CCDC73: variants seen among roughly 807,000 people sequenced by gnomAD.
CCDC73 encodes the protein coiled-coil domain-containing protein 73.
In CCDC73, 95 loss-of-function variants were observed where a neutral mutation model predicts 116.5. That is an observed-to-expected ratio of 0.82 (90% confidence interval 0.69 to 0.97). The LOEUF (loss-of-function observed/expected upper bound fraction) is 0.97, where lower values mean the gene tolerates loss of function less well. Among genes scored for constraint, CCDC73 ranks in the 50% least tolerant of loss-of-function variants. The pLI is 0.00. For missense variants in CCDC73, 1,066 were observed against 1,206.8 expected (o/e 0.88, Z 1.73); for synonymous variants, 398 against 401.3 (o/e 0.99, Z 0.10).
chr11:32,804,812 T>A, the CCDC73 span, among the ~76,000 whole-genome samples: 2 of 152,238 alleles, frequency 1.3e-5, no homozygotes, highest in African/African-American at 4.8e-5. Flanking sequence ...ATGCTTTTGA[T>A]TCAAAGTAGG....
At chr11:32,743,882 A>C (rs1403618261) in intron 2 of CCDC73, among the ~76,000 whole-genome samples, 1 of 152,152 alleles carries the variant, frequency 6.6e-6, no homozygotes, top group Non-Finnish European at 1.5e-5. Flanking sequence ...CTCTCTTCCT[A>C]TTTGAATACC....
intron 1 of CCDC73, among the ~76,000 whole-genome samples, chr11:32,785,062 A>T (rs1850615968): frequency 6.6e-6 from 1 of 152,090 alleles, no homozygotes; most frequent in Non-Finnish European, 1.5e-5. Flanking sequence ...GCTACTTGGG[A>T]GGCTGAGGCA....
chr11:32,659,105 CA>C (rs1465925513), intron 9 of CCDC73, among the ~76,000 whole-genome samples: 1 of 152,056 alleles, frequency 6.6e-6, no homozygotes, highest in African/African-American at 2.4e-5. Context: ...ACATTTTTTT[CA>C]AATTACAAAA....
chr11:32,630,213 C>G (rs1421101925), intron 14 of CCDC73, among the ~76,000 whole-genome samples: 3 of 152,174 alleles, frequency 2.0e-5, no homozygotes, highest in Admixed American at 1.3e-4. Context: ...TTCTTATAAA[C>G]TTTGGTATAA....
chr11:32,698,922 C>T lies in CCDC73; in HGVS notation c.390+329G>A, dbSNP rs926763563. On this transcript the variant is annotated intron_variant, in intron 6 of 17. Transcript: ENST00000335185. The stretch of plus-strand genomic sequence containing the variant: ...CTTAGCACATAGCAAAAATTCAATG[C>T]TATTTTAATTTTTAAGGACCATGGG... Among the ~76,000 whole-genome samples, 8 of 152,068 alleles carry T rather than the reference C, an allele frequency of 5.3e-5. No individual in the cohort carries two copies. In the East Asian group the frequency reaches 5.8e-4, roughly 11 times the overall value.
intron 6 of CCDC73, among the ~76,000 whole-genome samples, chr11:32,694,288 CAAATCA>C: frequency 6.6e-6 from 1 of 152,206 alleles, no homozygotes; most frequent in South Asian, 2.1e-4. Flanking sequence ...AACAGAGAGC[CAAATCA>C]TGAGTGAACT....
At chr11:32,664,668 C>A (rs1407969323) in intron 9 of CCDC73, among the ~76,000 whole-genome samples, 1 of 152,068 alleles carries the variant, frequency 6.6e-6, no homozygotes, top group Admixed American at 6.6e-5. Flanking sequence ...TTTTTTATGT[C>A]TCTATTTCAT....
At chr11:32,821,050 T>C in the CCDC73 span, among the ~76,000 whole-genome samples, 6 of 152,180 alleles carry the variant, frequency 3.9e-5, no homozygotes, top group Non-Finnish European at 7.4e-5. Flanking sequence ...TGAAAATGTT[T>C]AATTTTGATG....
At chr11:32,675,035 T>C (rs956964188) in intron 9 of CCDC73, among the ~76,000 whole-genome samples, 32 of 152,164 alleles carry the variant, frequency 2.1e-4, no homozygotes, top group Non-Finnish European at 3.8e-4. Context: ...CTCCCTTCCC[T>C]CCTTCACCCT....
the CCDC73 span, among the ~76,000 whole-genome samples, chr11:32,827,381 G>C: frequency 6.6e-6 from 1 of 152,218 alleles, no homozygotes; most frequent in Admixed American, 6.5e-5. Flanking sequence ...AATGTTACAG[G>C]GAAACACACA....
intron 14 of CCDC73, among the ~76,000 whole-genome samples, chr11:32,633,494 A>C (rs1311602489): frequency 6.6e-6 from 1 of 152,102 alleles, no homozygotes; most frequent in Non-Finnish European, 1.5e-5. Flanking sequence ...GACTCATAGG[A>C]CTCAATATAT....
intron 15 of CCDC73, 132 bp downstream of exon 15, chr11:32,615,808 A>T: frequency 1.2e-6 from 1 of 858,318 alleles, no homozygotes; most frequent in Non-Finnish European, 1.7e-6. Flanking sequence ...AAAACAGTGA[A>T]GGCAGAAACC....
At chr11:32,815,868 T>C in the CCDC73 span, among the ~76,000 whole-genome samples, 1 of 152,212 alleles carries the variant, frequency 6.6e-6, no homozygotes, top group Non-Finnish European at 1.5e-5. Context: ...CCTGCCCTTT[T>C]AGATCTCTAT....
intron 6 of CCDC73, among the ~76,000 whole-genome samples, chr11:32,692,125 G>GT (rs1856265929): frequency 6.6e-6 from 1 of 150,432 alleles, no homozygotes; most frequent in African/African-American, 2.4e-5. Flanking sequence ...TCTTCTAGGA[G>GT]TTTTTTAGCT....
chr11:32,664,253 T>G (rs934093269), intron 9 of CCDC73, among the ~76,000 whole-genome samples: 2 of 152,216 alleles, frequency 1.3e-5, no homozygotes, highest in African/African-American at 4.8e-5. Context: ...TCAGAAGGAC[T>G]GGTACCAGCT....
chr11:32,697,541 T>A, intron 6 of CCDC73, among the ~76,000 whole-genome samples: 1 of 144,810 alleles, frequency 6.9e-6, no homozygotes, highest in South Asian at 2.2e-4. Context: ...TGGAGTACAG[T>A]GACGTAATCT....
chr11:32,727,714 G>C (rs1850040392), intron 2 of CCDC73, among the ~76,000 whole-genome samples: 1 of 152,108 alleles, frequency 6.6e-6, no homozygotes, highest in Admixed American at 6.5e-5. Context: ...TGGGATTACA[G>C]GCACCCACCA....
At chr11:32,673,566 CA>C (rs1196678649) in intron 9 of CCDC73, among the ~76,000 whole-genome samples, 1 of 151,774 alleles carries the variant, frequency 6.6e-6, no homozygotes, top group African/African-American at 2.4e-5. Context: ...CCCTTGAGTC[CA>C]AAATATACAA....
At chr11:32,830,000 C>A in the CCDC73 span, 1 of 985,840 alleles carries the variant, frequency 1.0e-6, no homozygotes. Flanking sequence ...CTCTGCGAAC[C>A]CCAGGCCCTT....
Sources: allele counts gnomAD v4.1 joint callset (sites outside exome capture counted in the v4.1 genomes callset), GRCh38; gene constraint gnomAD v4.1.1; transcripts MANE v1.5; gene names NCBI Gene and HGNC (gene_info 2026-07-23, HGNC 2026-07-21).